ANKS1B: variants seen among roughly 807,000 people sequenced by gnomAD.
ANKS1B encodes ankyrin repeat and sterile alpha motif domain containing 1B.
In ANKS1B, 36 loss-of-function variants were observed where a neutral mutation model predicts 148.3. The observed-to-expected ratio is 0.24, with a 90% CI of 0.19 to 0.32. The LOEUF is 0.32. Among genes scored for constraint, ANKS1B ranks in the 10% least tolerant of loss-of-function variants. The probability of loss-of-function intolerance (pLI) is 1.00; values close to 1 mark genes in which losing one functional copy is unlikely to be tolerated. For synonymous variants in ANKS1B, 542 were observed against 560.8 expected, an observed-to-expected ratio of 0.97 and a Z score of 0.47; for missense variants, 1,157 against 1,542.6, an observed-to-expected ratio of 0.75 and a Z score of 4.19.
intron 15 of ANKS1B, among the ~76,000 whole-genome samples, chr12:99,143,130 T>G (rs1310064210): frequency 1.3e-5 from 2 of 152,270 alleles, no homozygotes; most frequent in East Asian, 3.9e-4. Flanking sequence ...AACCAGACAT[T>G]AGCTTATAAA....
chr12:99,198,430 C>G (rs1403255039), intron 14 of ANKS1B, among the ~76,000 whole-genome samples: 2 of 152,128 alleles, frequency 1.3e-5, no homozygotes, highest in African/African-American at 4.8e-5. Flanking sequence ...GAATATAGCA[C>G]TAGGGATTTA....
intron 1 of ANKS1B, among the ~76,000 whole-genome samples, chr12:99,961,946 A>G (rs1474406420): frequency 1.3e-5 from 2 of 152,222 alleles, no homozygotes; most frequent in Non-Finnish European, 2.9e-5. Context: ...AAAAGGTCCT[A>G]CGTTATTAGA....
intron 14 of ANKS1B, among the ~76,000 whole-genome samples, chr12:99,208,403 T>C (rs189565203): frequency 5.3e-5 from 8 of 152,300 alleles, no homozygotes; most frequent in African/African-American, 1.9e-4. Context: ...AAATTAAGTC[T>C]TCTTGACCTT....
At chr12:98,814,916 T>C (rs2099127189) in intron 19 of ANKS1B, among the ~76,000 whole-genome samples, 1 of 152,238 alleles carries the variant, frequency 6.6e-6, no homozygotes, top group South Asian at 2.1e-4. Context: ...CTGGAAATGT[T>C]TTCTTAAAAT....
At chr12:99,494,388 C>T (rs2096582825) in intron 10 of ANKS1B, among the ~76,000 whole-genome samples, 1 of 152,070 alleles carries the variant, frequency 6.6e-6, no homozygotes, top group African/African-American at 2.4e-5. Context: ...GTTGTTTTTG[C>T]TGTTAGTTGT....
At chr12:99,265,760 G>A (rs1392123168) in intron 12 of ANKS1B, among the ~76,000 whole-genome samples, 3 of 151,990 alleles carry the variant, frequency 2.0e-5, no homozygotes, top group South Asian at 4.1e-4. Context: ...CTTTCCAGTG[G>A]GACTGGCAGG....
Position 98,777,182 on chromosome 12 carries a change from G to T in ANKS1B, c.3441+3935C>A, listed in dbSNP as rs201040026. 2.6e-5 allele frequency among the ~76,000 whole-genome samples: 4 copies of T among 152,270 alleles called. No homozygotes were observed. In the East Asian group the frequency reaches 7.7e-4, roughly 29 times the overall value. On this transcript the variant is annotated intron_variant, in intron 24 of 26. Coordinates refer to ENST00000683438, the MANE Select transcript of ANKS1B (RefSeq NM_001352186.2). The stretch of plus-strand genomic sequence containing the variant: ...CACTCCAGCCTGGGCAACAGAGTGA[G>T]ACCCTGTCTCTTAAAAACAAAACAA...
chr12:99,688,693 T>C (rs2098662987), intron 8 of ANKS1B, among the ~76,000 whole-genome samples: 1 of 152,008 alleles, frequency 6.6e-6, no homozygotes, highest in Admixed American at 6.6e-5. Flanking sequence ...TAGCCAAGTA[T>C]AGTGGTGCAC....
intron 2 of ANKS1B, among the ~76,000 whole-genome samples, chr12:99,816,597 A>G (rs2069194995): frequency 6.6e-6 from 1 of 151,768 alleles, no homozygotes; most frequent in South Asian, 2.1e-4. Context: ...CATCTTATTC[A>G]AAGATACCAG....
At chr12:99,536,189 T>C (rs2097063472) in intron 9 of ANKS1B, among the ~76,000 whole-genome samples, 1 of 152,192 alleles carries the variant, frequency 6.6e-6, no homozygotes, top group Admixed American at 6.5e-5. Context: ...CCATAGAATG[T>C]ACATCAAGAA....
Position 98,744,055 on chromosome 12 carries a change from G to C in ANKS1B, c.*1684C>G. 4 of 983,688 alleles carry C rather than the reference G, an allele frequency of 4.1e-6. No homozygotes were observed. Among genetic ancestry groups the C allele is most frequent in the Non-Finnish European group, 4.8e-6 (4 of 828,306 alleles). 60.9% of individuals were successfully genotyped at this position (983,688 alleles called of 1,614,324 possible). On this transcript the variant is annotated 3_prime_UTR_variant, in exon 27 of 27. Coordinates refer to ENST00000683438, the MANE Select transcript of ANKS1B (RefSeq NM_001352186.2). ...ACAAAAATTACAAAATTTATAACTG[G>C]AAGCCCAAGCTTATTTACACATATG...
intron 17 of ANKS1B, among the ~76,000 whole-genome samples, chr12:99,050,753 G>A (rs930795494): frequency 9.0e-5 from 13 of 143,944 alleles, no homozygotes; most frequent in Admixed American, 7.2e-4. Flanking sequence ...GTGCAGTGGC[G>A]CGATCTCTGC....
intron 17 of ANKS1B, among the ~76,000 whole-genome samples, chr12:99,048,126 C>T (rs2099963644): frequency 6.6e-6 from 1 of 152,080 alleles, no homozygotes; most frequent in African/African-American, 2.4e-5. Context: ...AAGATCCAGG[C>T]CATATGTTCA....
At chr12:99,706,388 A>C (rs1489650074) in intron 8 of ANKS1B, 1 of 152,102 alleles carries the variant, frequency 6.6e-6, no homozygotes, top group East Asian at 1.9e-4. Context: ...AAAATCCTCT[A>C]AAACTTATAT....
intron 15 of ANKS1B, among the ~76,000 whole-genome samples, chr12:99,103,916 G>A (rs1178256088): frequency 6.6e-6 from 1 of 152,078 alleles, no homozygotes; most frequent in African/African-American, 2.4e-5. Flanking sequence ...CTATATACTT[G>A]CTAGCAATTA....
rs117896863 is a variant in ANKS1B at position 99,415,972 on chromosome 12, C to T, written c.1576-16161G>A. Among the ~76,000 whole-genome samples, 226 of 152,078 alleles carry T rather than the reference C, an allele frequency of 1.5e-3. 4 individuals carry two copies. In the East Asian group the frequency reaches 0.04, roughly 27 times the overall value. On this transcript the variant is annotated intron_variant, in intron 11 of 26. Coordinates refer to ENST00000683438, the MANE Select transcript of ANKS1B (RefSeq NM_001352186.2). ...TGCTGGAATTACAGGCGTGAACCAC[C>T]GCGCCAGGCCCCATTGCCCTTTTAT...
chr12:99,372,810 G>A (rs2093211914), intron 12 of ANKS1B, among the ~76,000 whole-genome samples: 1 of 151,892 alleles, frequency 6.6e-6, no homozygotes, highest in Non-Finnish European at 1.5e-5. Flanking sequence ...CAGGGTTTCA[G>A]GGCACTACAA....
At chr12:98,858,389 G>C (rs1247996977) in intron 17 of ANKS1B, among the ~76,000 whole-genome samples, 2 of 152,216 alleles carry the variant, frequency 1.3e-5, no homozygotes, top group Non-Finnish European at 2.9e-5. Flanking sequence ...TGTCAGCCAG[G>C]CTTCAGCGAA....
At chr12:98,945,142 T>G (rs899046472) in intron 17 of ANKS1B, among the ~76,000 whole-genome samples, 1 of 152,122 alleles carries the variant, frequency 6.6e-6, no homozygotes, top group Non-Finnish European at 1.5e-5. Context: ...AATATCAGAT[T>G]CCAGATTTCA....
Sources: allele counts gnomAD v4.1 joint callset (sites outside exome capture counted in the v4.1 genomes callset), GRCh38; gene constraint gnomAD v4.1.1; transcripts MANE v1.5; gene names NCBI Gene and HGNC (gene_info 2026-07-23, HGNC 2026-07-21).